Variants in TACC2 observed in about 807,000 individuals in gnomAD.
The protein encoded by TACC2 is transforming acidic coiled-coil containing protein 2.
A neutral mutation model predicts 227.3 loss-of-function variants in TACC2; 137 were observed. That is an observed-to-expected ratio of 0.60 (90% confidence interval 0.52 to 0.69). TACC2 has a LOEUF of 0.69. Among genes scored for constraint, TACC2 ranks in the 30% least tolerant of loss-of-function variants. The pLI, the probability that TACC2 is intolerant of heterozygous loss-of-function variation, is 0.00. For synonymous variants in TACC2, 1,523 were observed against 1,487.5 expected, an observed-to-expected ratio of 1.02 and a Z score of -0.55; for missense variants, 3,470 against 3,694.4, an observed-to-expected ratio of 0.94 and a Z score of 1.57.
chr10:122,052,753 A>G (rs1234945052), intron 3 of TACC2: 2 of 151,996 alleles, frequency 1.3e-5, no homozygotes, highest in Non-Finnish European at 1.5e-5. Flanking sequence ...GTTCACAATT[A>G]AAAACATGAT....
At chr10:122,074,755 A>G (rs1169769325) in intron 3 of TACC2, among the ~76,000 whole-genome samples, 1 of 152,158 alleles carries the variant, frequency 6.6e-6, no homozygotes. Flanking sequence ...AAAGACAGTG[A>G]ATTGACTAGG....
intron 8 of TACC2, among the ~76,000 whole-genome samples, chr10:122,200,553 A>G (rs144446208): frequency 0.011 from 1,682 of 148,626 alleles, 104 homozygotes; most frequent in African/African-American, 0.042. Flanking sequence ...ACCTGCCCAC[A>G]GTGGCTGCGT....
At chr10:122,096,690 C>T (rs555762075) in intron 5 of TACC2, among the ~76,000 whole-genome samples, 3 of 122,312 alleles carry the variant, frequency 2.5e-5, no homozygotes, top group African/African-American at 3.1e-5. Flanking sequence ...AGCAAAACTC[C>T]GTCTCAAAAA....
At chr10:122,030,582 C>G (rs1299795479) in intron 2 of TACC2, among the ~76,000 whole-genome samples, 1 of 152,084 alleles carries the variant, frequency 6.6e-6, no homozygotes, top group Non-Finnish European at 1.5e-5. Context: ...TCACCTCCTA[C>G]CAGCTCCTGA....
intron 16 of TACC2, among the ~76,000 whole-genome samples, chr10:122,232,499 CAT>C (rs1341755444): frequency 1.3e-5 from 2 of 152,196 alleles, no homozygotes; most frequent in Admixed American, 6.5e-5. Flanking sequence ...AAAATAGAGT[CAT>C]GTGTGTTCAT....
At chr10:122,113,878 G>A (rs1466680210) in intron 5 of TACC2, among the ~76,000 whole-genome samples, 1 of 152,214 alleles carries the variant, frequency 6.6e-6, no homozygotes, top group Admixed American at 6.5e-5. Context: ...TCTGCCTCGG[G>A]GTGTCCTCGA....
intron 1 of TACC2, among the ~76,000 whole-genome samples, chr10:121,993,269 G>GA (rs1282521842): frequency 2.6e-5 from 4 of 152,118 alleles, no homozygotes; most frequent in African/African-American, 7.2e-5. Flanking sequence ...TTAAATGTGT[G>GA]AAAAAAAGGA....
Position 122,226,449 on chromosome 10 carries a change from C to A in TACC2, c.7692C>A (p.Val2564=). 1.2e-6 allele frequency: 2 copies of A among 1,614,010 alleles called. No individual in the cohort carries two copies. The highest frequency in any genetic ancestry group is 8.5e-7 in the Non-Finnish European group (1 of 1,179,964). The part of the protein sequence containing the change: ...SQESPVKSSP[V]RMSESPTPCS... ...AGAGCCCTGTCAAGTCATCTCCCGT[C>A]CGCATGTCAGAGTCCCCGACGCCGT... Residue 2564 remains valine (V), a synonymous_variant, in exon 13 of 23, where the codon GTC becomes GTA. Transcript: ENST00000369005.
intron 2 of TACC2, among the ~76,000 whole-genome samples, chr10:122,038,075 T>A (rs765897243): frequency 1.3e-5 from 2 of 152,182 alleles, no homozygotes; most frequent in African/African-American, 2.4e-5. Flanking sequence ...CAGTGCAACA[T>A]GGCGAGACCC....
chr10:122,206,375 C>T (rs2095108316), intron 8 of TACC2, among the ~76,000 whole-genome samples: 1 of 152,168 alleles, frequency 6.6e-6, no homozygotes, highest in African/African-American at 2.4e-5. Flanking sequence ...CCCCAACCCC[C>T]AATGTGATTA....
rs2094490621 is a variant in TACC2 at position 122,194,027 on chromosome 10, C to T, written c.5835-1013C>T. On this transcript the variant is annotated intron_variant, in intron 7 of 22. Transcript: ENST00000369005. This position sits in a 1 kb window ranked among gnomAD's most constrained non-coding sequence, Gnocchi z 4.4. Reference sequence around the variant, plus strand: ...CAAACTTCTGGGCTTAAGTGATCCTCCTGCCTCACCCTCCCTAGTAGCTGA... The same window carrying T: ...CAAACTTCTGGGCTTAAGTGATCCTTCTGCCTCACCCTCCCTAGTAGCTGA... 6.6e-6 allele frequency among the ~76,000 whole-genome samples: 1 copy of T among 152,206 alleles called. No individual in the cohort carries two copies. The highest frequency in any genetic ancestry group is 6.5e-5 in the Admixed American group (1 of 15,278).
rs769368467 is a variant in TACC2 at position 122,216,707 on chromosome 10, G to A, written c.7425G>A (p.Ala2475=). Residue 2475 remains alanine (A), a synonymous_variant, in exon 11 of 23, where the codon GCG becomes GCA. Coordinates refer to ENST00000369005, the MANE Select transcript of TACC2 (RefSeq NM_206862.4). ...VVHATDEEKL[A]VTNQKWTCMT... ...ACGCCACAGATGAGGAAAAGCTGGC[G>A]GTCACCAACCAGAAGTGGACGTGCA... 15 of 1,613,960 alleles carry A rather than the reference G, an allele frequency of 9.3e-6. No homozygotes were observed. Among genetic ancestry groups the A allele is most frequent in the Admixed American group, 5.0e-5 (3 of 59,972 alleles).
intron 7 of TACC2, among the ~76,000 whole-genome samples, chr10:122,168,998 A>G (rs2093338732): frequency 6.6e-6 from 1 of 152,206 alleles, no homozygotes; most frequent in South Asian, 2.1e-4. Context: ...CCAATTGTTC[A>G]TGGACTGATG....
chr10:122,086,802 G>C lies in TACC2; in HGVS notation c.4302G>C (p.Gly1434=). ...CACCTGGAGAAAAGGCAGGAGCTGGGAGGAGTGCAGTGGGTAAAGACCTCA... is the reference window on the plus strand; with the variant it reads ...CACCTGGAGAAAAGGCAGGAGCTGGCAGGAGTGCAGTGGGTAAAGACCTCA... ...LATPGEKAGA[G]RSAVGKDLTR... The change falls in exon 4 of 23, where the codon GGG becomes GGC. Residue 1434 remains glycine, a synonymous_variant. Coordinates refer to ENST00000369005, the MANE Select transcript of TACC2 (RefSeq NM_206862.4). 1 of 1,614,032 alleles carries C rather than the reference G, an allele frequency of 6.2e-7. No individual in the cohort carries two copies. Among genetic ancestry groups the C allele is most frequent in the Non-Finnish European group, 8.5e-7 (1 of 1,180,008 alleles).
chr10:122,082,597 G>GCT lies in TACC2; in HGVS notation c.147-47_147-46dup, dbSNP rs2079645234. 1.9e-6 allele frequency: 3 copies of GCT among 1,557,374 alleles called. No individual in the cohort carries two copies. The Admixed American group carries it at 5.4e-5, about 28-fold the overall frequency. ...TGGGGGGTGACCTGCCTGCAGTGTG[G>GCT]CTCTGTCCTTGGCATCCATGATAAC... On this transcript the variant is annotated intron_variant, in intron 3 of 22. Transcript: ENST00000369005.
chr10:122,066,100 CTTT>C (rs374095548), intron 3 of TACC2, among the ~76,000 whole-genome samples: 2 of 143,500 alleles, frequency 1.4e-5, no homozygotes, highest in Admixed American at 7.0e-5. Flanking sequence ...AAAATCTATA[CTTT>C]TTTTTTTTTT....
At chr10:122,219,230 A>C (rs1316284576) in intron 11 of TACC2, among the ~76,000 whole-genome samples, 32 of 109,268 alleles carry the variant, frequency 2.9e-4, no homozygotes, top group Admixed American at 5.1e-4. Flanking sequence ...CCCTCACTGC[A>C]CTCCCCCCAC....
chr10:122,023,796 A>G (rs1357076044), intron 2 of TACC2: 2 of 37,922 alleles, frequency 5.3e-5, no homozygotes, highest in Non-Finnish European at 9.5e-5. Flanking sequence ...AGTATAATTA[A>G]AAAAAAAAAA....
chr10:122,190,991 C>T (rs542094661), intron 7 of TACC2, among the ~76,000 whole-genome samples: 2 of 152,318 alleles, frequency 1.3e-5, no homozygotes, highest in East Asian at 1.9e-4. Flanking sequence ...ATTTTAGAGA[C>T]AGGCAGTTCT....
Sources: allele counts gnomAD v4.1 joint callset (sites outside exome capture counted in the v4.1 genomes callset), GRCh38; gene constraint gnomAD v4.1.1; non-coding constraint Gnocchi (gnomAD v3.1); transcripts MANE v1.5; gene names NCBI Gene and HGNC (gene_info 2026-07-23, HGNC 2026-07-21).